RALGAPA1: variants seen among roughly 807,000 people sequenced by gnomAD.
RALGAPA1 encodes the protein ral GTPase-activating protein subunit alpha-1.
RALGAPA1 carries 52 observed loss-of-function variants against 269.6 expected under a neutral mutation model. The ratio of observed to expected loss-of-function variants is 0.19; its 90% CI spans 0.15 to 0.24. The LOEUF (loss-of-function observed/expected upper bound fraction) is 0.24, where lower values mean the gene tolerates loss of function less well. RALGAPA1 is among the 10% of genes least tolerant of loss of function. The probability of loss-of-function intolerance (pLI) is 1.00; values close to 1 mark genes in which losing one functional copy is unlikely to be tolerated. For synonymous variants in RALGAPA1, 817 were observed against 1,008.3 expected, an observed-to-expected ratio of 0.81 and a Z score of 3.60; for missense variants, 1,917 against 3,013.9, an observed-to-expected ratio of 0.64 and a Z score of 8.52.
In RALGAPA1 at chr14:35,721,669, GATTTT is replaced by G; in HGVS notation, c.2266+14_2266+18del. ...ATGTAGTGCCCTGTACCATTCTCAT[GATTTT>G]CAAGAGTACATACCGACAGTTTTTT... is the stretch of plus-strand genomic sequence containing the variant. On this transcript the variant is annotated intron_variant, in intron 16 of 41. Transcript: ENST00000680220. 6.2e-7 allele frequency: 1 copy of G among 1,606,944 alleles called. No homozygotes were observed. The highest frequency in any genetic ancestry group is 2.2e-5 in the East Asian group (1 of 44,836).
intron 1 of RALGAPA1, among the ~76,000 whole-genome samples, chr14:35,791,588 C>A (rs184066366): frequency 5.8e-4 from 87 of 149,452 alleles, no homozygotes; most frequent in African/African-American, 2.1e-3. Context: ...GCCTGGGAGA[C>A]AAGAGCGAAA....
chr14:35,769,466 A>C (rs572349588), intron 4 of RALGAPA1, among the ~76,000 whole-genome samples: 1 of 152,270 alleles, frequency 6.6e-6, no homozygotes, highest in South Asian at 2.1e-4. Context: ...CAAGGGTTGA[A>C]AAACAGTTAG....
rs771123441 is a variant in RALGAPA1, at chr14:35,659,171, C to G, written c.5354G>C (p.Ser1785Thr). 13 of 1,611,234 alleles carry G rather than the reference C, an allele frequency of 8.1e-6. No homozygotes were observed. Among genetic ancestry groups the G allele is most frequent in the Non-Finnish European group, 1.1e-5 (13 of 1,178,498 alleles). ...VKELIIKTVLSSARDEPSGPA... is the reference protein window; with the variant it reads ...VKELIIKTVLTSARDEPSGPA... ...ACCAGAGGGCTCATCTCTTGCCGAG[C>G]TTAATACAGTTTTGATTATAAGTTC... The change falls in exon 28 of 42, where the codon AGC becomes ACC. Residue 1785 changes from serine (S) to threonine (T), a missense_variant. Coordinates refer to ENST00000680220, the MANE Select transcript of RALGAPA1 (RefSeq NM_001346249.2).
chr14:35,710,439 G>A (rs1161390898), intron 16 of RALGAPA1, among the ~76,000 whole-genome samples: 2 of 152,102 alleles, frequency 1.3e-5, no homozygotes, highest in Non-Finnish European at 2.9e-5. Context: ...TGTATTTTTA[G>A]TAGAGACAGG....
intron 1 of RALGAPA1, among the ~76,000 whole-genome samples, chr14:35,783,309 GGA>G (rs1491487256): frequency 6.7e-6 from 1 of 148,234 alleles, no homozygotes; most frequent in Non-Finnish European, 1.5e-5. Flanking sequence ...GGAAAAGGAG[GGA>G]AAAAAAAAGT....
At chr14:35,550,906 TTAACA>T (rs1389182078) in intron 39 of RALGAPA1, among the ~76,000 whole-genome samples, 3 of 152,162 alleles carry the variant, frequency 2.0e-5, no homozygotes, top group Non-Finnish European at 4.4e-5. Context: ...TTTTTGAGTC[TTAACA>T]TAAACAAGTA....
chr14:35,589,441 T>C (rs967187079), intron 37 of RALGAPA1, among the ~76,000 whole-genome samples: 19 of 152,180 alleles, frequency 1.2e-4, no homozygotes, highest in Admixed American at 9.2e-4. Flanking sequence ...TGTGAGGTAA[T>C]GCATATTTTA....
intron 37 of RALGAPA1, among the ~76,000 whole-genome samples, chr14:35,573,321 A>G (rs935145155): frequency 6.6e-6 from 1 of 152,208 alleles, no homozygotes; most frequent in Non-Finnish European, 1.5e-5. Flanking sequence ...TGTTAAAAAA[A>G]TGAACTTAAT....
At chr14:35,585,452 T>C (rs1279441344) in intron 37 of RALGAPA1, among the ~76,000 whole-genome samples, 3 of 1,206 alleles carry the variant, frequency 2.5e-3, no homozygotes, top group African/African-American at 2.0e-3. Flanking sequence ...AATGCAAAAG[T>C]TCTGTAAGAG....
chr14:35,762,454 C>A (rs966239200), intron 5 of RALGAPA1, among the ~76,000 whole-genome samples: 2 of 152,132 alleles, frequency 1.3e-5, no homozygotes, highest in African/African-American at 4.8e-5. Flanking sequence ...CAGGGTTTCA[C>A]TATGTTGGCC....
At chr14:35,793,818 T>C (rs761949810) in intron 1 of RALGAPA1, among the ~76,000 whole-genome samples, 7 of 152,210 alleles carry the variant, frequency 4.6e-5, no homozygotes, top group Non-Finnish European at 8.8e-5. Context: ...TGATGGCTAT[T>C]CAGTTGTTGC....
At chr14:35,759,662 C>A (rs2073524250) in intron 6 of RALGAPA1, among the ~76,000 whole-genome samples, 1 of 150,864 alleles carries the variant, frequency 6.6e-6, no homozygotes, top group Non-Finnish European at 1.5e-5. Flanking sequence ...GTAATCCCAG[C>A]ACTTTGGGAG....
At chr14:35,734,037 G>A (rs1180736482) in intron 12 of RALGAPA1, among the ~76,000 whole-genome samples, 1 of 152,156 alleles carries the variant, frequency 6.6e-6, no homozygotes, top group East Asian at 1.9e-4. Flanking sequence ...ACGAAACACT[G>A]CTGAAAGAAA....
intron 26 of RALGAPA1, among the ~76,000 whole-genome samples, chr14:35,671,056 A>G (rs10129234): frequency 0.11 from 17,265 of 152,146 alleles, 1,617 homozygotes; most frequent in East Asian, 0.37. Flanking sequence ...CAGGGTGTAC[A>G]ACACGATGAT....
intron 31 of RALGAPA1, among the ~76,000 whole-genome samples, chr14:35,636,279 A>T (rs1362837197): frequency 6.6e-6 from 1 of 152,244 alleles, no homozygotes; most frequent in Non-Finnish European, 1.5e-5. Context: ...ATACAATAGC[A>T]GAATTCATTG....
intron 21 of RALGAPA1, among the ~76,000 whole-genome samples, chr14:35,679,319 T>C (rs1399088334): frequency 6.6e-6 from 1 of 152,192 alleles, no homozygotes; most frequent in Non-Finnish European, 1.5e-5. Flanking sequence ...AAAACCAATA[T>C]AAATTAAATA....
At chr14:35,807,055 C>CA (rs992829814) in intron 1 of RALGAPA1, among the ~76,000 whole-genome samples, 1 of 151,960 alleles carries the variant, frequency 6.6e-6, no homozygotes, top group African/African-American at 2.4e-5. Flanking sequence ...AACTCTATGC[C>CA]AAAAAAGTAT....
chr14:35,763,625 T>C (rs956808889), intron 4 of RALGAPA1, among the ~76,000 whole-genome samples: 1 of 152,146 alleles, frequency 6.6e-6, no homozygotes, highest in African/African-American at 2.4e-5. Context: ...AAGAGGTGCA[T>C]ACTATTCCAC....
chr14:35,696,306 T>C (rs1352660657), intron 17 of RALGAPA1, among the ~76,000 whole-genome samples: 1 of 151,980 alleles, frequency 6.6e-6, no homozygotes, highest in Non-Finnish European at 1.5e-5. Context: ...CCCAGCTACA[T>C]GGGAGGCTGA....
Sources: allele counts gnomAD v4.1 joint callset (sites outside exome capture counted in the v4.1 genomes callset), GRCh38; gene constraint gnomAD v4.1.1; transcripts MANE v1.5; gene names NCBI Gene and HGNC (gene_info 2026-07-23, HGNC 2026-07-21).